FRMD4B: variants seen among roughly 807,000 people sequenced by gnomAD.
The protein encoded by FRMD4B is FERM domain-containing protein 4B.
Under a neutral mutation model 141.5 loss-of-function variants are expected in FRMD4B, and 74 were observed. The observed-to-expected ratio is 0.52, with a 90% CI of 0.43 to 0.63. The LOEUF is 0.63. Among genes scored for constraint, FRMD4B ranks in the 30% least tolerant of loss-of-function variants. The probability of loss-of-function intolerance (pLI) is 0.00; values close to 1 mark genes in which losing one functional copy is unlikely to be tolerated. For synonymous variants in FRMD4B, 506 were observed against 467.9 expected (o/e 1.08, Z -1.05); for missense variants, 1,366 against 1,253.4 (o/e 1.09, Z -1.36).
At position 69,316,707 on chromosome 3, in the gene FRMD4B, A is replaced by G. The variant is rs543693046; in HGVS notation, c.163-3190T>C. 3.9e-5 allele frequency among the ~76,000 whole-genome samples: 6 copies of G among 152,340 alleles called. No individual in the cohort carries two copies. The East Asian group carries it at 1.2e-3, about 29-fold the overall frequency. On this transcript the variant is annotated intron_variant, in intron 1 of 22. Transcript: ENST00000398540. ...TCCTAGGTGTAGGCCCTACAGAAAG[A>G]TATAAAAAAATAATGCTCAAAAGAT...
intron 11 of FRMD4B, among the ~76,000 whole-genome samples, chr3:69,210,460 C>T (rs997877479): frequency 1.3e-5 from 2 of 151,696 alleles, no homozygotes; most frequent in African/African-American, 4.8e-5. Flanking sequence ...GTCTCTAAGT[C>T]CAAATGTCTT....
Position 69,171,649 on chromosome 3 carries a change from G to A in FRMD4B, c.*212C>T. 2 of 513,080 alleles carry A rather than the reference G, an allele frequency of 3.9e-6. No individual in the cohort carries two copies. The highest frequency in any genetic ancestry group is 7.0e-6 in the Non-Finnish European group (2 of 284,328). 31.8% of individuals were successfully genotyped at this position (513,080 alleles called of 1,614,324 possible). ...GTGGGCAGACCCTACAGTTACGTTA[G>A]TGCCTAGAGTTTGAAAGGCCAAATC... On this transcript the variant is annotated 3_prime_UTR_variant, in exon 23 of 23. Transcript: ENST00000398540.
At chr3:69,534,939 AATT>A (rs1701063339) in intron 1 of FRMD4B, among the ~76,000 whole-genome samples, 1 of 151,814 alleles carries the variant, frequency 6.6e-6, no homozygotes, top group Non-Finnish European at 1.5e-5. Flanking sequence ...AAATAATATG[AATT>A]ATTATTTTTT....
At chr3:69,360,205 C>T (rs959975278) in intron 1 of FRMD4B, among the ~76,000 whole-genome samples, 1 of 152,148 alleles carries the variant, frequency 6.6e-6, no homozygotes, top group African/African-American at 2.4e-5. Context: ...ATAACCACCT[C>T]CCATTTTTCC....
In FRMD4B at chr3:69,229,575, C is replaced by T. The variant is rs115759015; in HGVS notation, c.582-4885G>A. On this transcript the variant is annotated intron_variant, in intron 7 of 22. Transcript: ENST00000398540. Reference sequence around the variant, plus strand: ...GAAAGCCAGCAGAATAATCGAAAGACGACTGACACAGATAGCTTGGCAGAA... The same window carrying T: ...GAAAGCCAGCAGAATAATCGAAAGATGACTGACACAGATAGCTTGGCAGAA... Among the ~76,000 whole-genome samples, 398 of 152,224 alleles carry T rather than the reference C, an allele frequency of 2.6e-3. 1 individual carries two copies. The highest frequency in any genetic ancestry group is 9.1e-3 in the African/African-American group (377 of 41,526).
At chr3:69,459,210 A>G (rs952569123) in intron 1 of FRMD4B, among the ~76,000 whole-genome samples, 2 of 152,220 alleles carry the variant, frequency 1.3e-5, no homozygotes, top group Non-Finnish European at 2.9e-5. Flanking sequence ...TACTTCAAAC[A>G]TTTCAGTAAA....
At chr3:69,363,704 T>G (rs1259669448) in intron 1 of FRMD4B, among the ~76,000 whole-genome samples, 1 of 152,184 alleles carries the variant, frequency 6.6e-6, no homozygotes, top group African/African-American at 2.4e-5. Flanking sequence ...ATGCCTATTT[T>G]CAAGAACAGA....
chr3:69,193,206 T>C (rs2092859109), intron 17 of FRMD4B, among the ~76,000 whole-genome samples: 1 of 152,136 alleles, frequency 6.6e-6, no homozygotes, highest in Non-Finnish European at 1.5e-5. Flanking sequence ...CCAAACAATT[T>C]TTATCCTAAG....
chr3:69,275,213 T>C (rs2093612320), intron 5 of FRMD4B, among the ~76,000 whole-genome samples: 1 of 152,204 alleles, frequency 6.6e-6, no homozygotes, highest in Non-Finnish European at 1.5e-5. Flanking sequence ...ATCTTTTTGA[T>C]TTGTTGTACT....
intron 2 of FRMD4B, among the ~76,000 whole-genome samples, chr3:69,415,445 C>G (rs1222112846): frequency 2.0e-5 from 3 of 152,080 alleles, no homozygotes; most frequent in African/African-American, 7.2e-5. Flanking sequence ...CTCCCTTGCC[C>G]CTTGTCCTAC....
chr3:69,201,633 T>A (rs1182464584), intron 11 of FRMD4B, among the ~76,000 whole-genome samples: 1 of 152,196 alleles, frequency 6.6e-6, no homozygotes, highest in African/African-American at 2.4e-5. Flanking sequence ...GGCAGCTGGA[T>A]ATAAGCTGGT....
At chr3:69,286,632 T>C (rs1465788817) in intron 5 of FRMD4B, among the ~76,000 whole-genome samples, 2 of 152,164 alleles carry the variant, frequency 1.3e-5, no homozygotes, top group African/African-American at 4.8e-5. Context: ...TTCCCAGGCA[T>C]TGAGATCAGA....
chr3:69,388,811 A>G (rs1455393655), upstream of FRMD4B, among the ~76,000 whole-genome samples: 2 of 152,202 alleles, frequency 1.3e-5, no homozygotes, highest in African/African-American at 4.8e-5. Flanking sequence ...AGTTTTTTGT[A>G]GTCAGATAAA....
chr3:69,282,117 A>G (rs1259068812), intron 5 of FRMD4B, among the ~76,000 whole-genome samples: 2 of 152,174 alleles, frequency 1.3e-5, no homozygotes, highest in Non-Finnish European at 2.9e-5. Context: ...ACTGTATCAA[A>G]TCTTATCATA....
intron 1 of FRMD4B, among the ~76,000 whole-genome samples, chr3:69,448,725 C>CG (rs1285074491): frequency 6.6e-6 from 1 of 151,970 alleles, no homozygotes; most frequent in African/African-American, 2.4e-5. Context: ...CTCGTGCAAG[C>CG]GTTTACTTTA....
At chr3:69,253,888 G>A (rs1028223570) in intron 5 of FRMD4B, among the ~76,000 whole-genome samples, 1 of 152,014 alleles carries the variant, frequency 6.6e-6, no homozygotes, top group Non-Finnish European at 1.5e-5. Flanking sequence ...AGGAGTTTGA[G>A]ATCACGCACC....
In FRMD4B at chr3:69,235,832, T is replaced by C. The variant is rs146470159; in HGVS notation, c.582-11142A>G. Among the ~76,000 whole-genome samples, 4 of 152,318 alleles carry C rather than the reference T, an allele frequency of 2.6e-5. No individual in the cohort carries two copies. The East Asian group carries it at 7.7e-4, about 29-fold the overall frequency. Reference sequence around the variant, plus strand: ...ATATGAAAACAGAGTTAAGGGAGATTAAGCAATTTAAACTCACAAAGCAAA... The same window carrying C: ...ATATGAAAACAGAGTTAAGGGAGATCAAGCAATTTAAACTCACAAAGCAAA... On this transcript the variant is annotated intron_variant, in intron 7 of 22. Transcript: ENST00000398540.
At chr3:69,173,272 T>C (rs1004396807) in intron 22 of FRMD4B, among the ~76,000 whole-genome samples, 3 of 152,242 alleles carry the variant, frequency 2.0e-5, no homozygotes, top group Admixed American at 1.3e-4. Context: ...TCAACATTTC[T>C]ACTTCGGAAA....
At chr3:69,324,400 T>C (rs1702112613) in intron 1 of FRMD4B, among the ~76,000 whole-genome samples, 2 of 152,266 alleles carry the variant, frequency 1.3e-5, no homozygotes, top group African/African-American at 4.8e-5. Flanking sequence ...GGCACTATTA[T>C]ATACCAGCCA....
Sources: allele counts gnomAD v4.1 joint callset (sites outside exome capture counted in the v4.1 genomes callset), GRCh38; gene constraint gnomAD v4.1.1; transcripts MANE v1.5; gene names NCBI Gene and HGNC (gene_info 2026-07-23, HGNC 2026-07-21).